Variants in STXBP5L observed in about 807,000 individuals in gnomAD.
STXBP5L encodes the protein syntaxin binding protein 5L.
In STXBP5L, 65 loss-of-function variants were observed where a neutral mutation model predicts 144.5. That is an observed-to-expected ratio of 0.45 (90% confidence interval 0.37 to 0.55). The LOEUF is 0.55. Ranked by LOEUF, STXBP5L falls within the 20% of genes least tolerant of loss-of-function variation. STXBP5L has a pLI of 0.00. For missense variants in STXBP5L, 1,298 were observed against 1,405.5 expected (o/e 0.92, Z 1.22); for synonymous variants, 505 against 469.6 (o/e 1.08, Z -0.97).
intron 3 of STXBP5L, among the ~76,000 whole-genome samples, chr3:121,038,598 T>C (rs140792727): frequency 1.0e-3 from 158 of 152,078 alleles, no homozygotes; most frequent in African/African-American, 3.5e-3. Context: ...GTTTTATAAA[T>C]GCCAATTGGG....
chr3:121,221,534 T>C (rs1322032692), intron 10 of STXBP5L, among the ~76,000 whole-genome samples: 1 of 151,544 alleles, frequency 6.6e-6, no homozygotes, highest in Non-Finnish European at 1.5e-5. Context: ...GGCCTTTTTT[T>C]GCAAAACAGA....
chr3:121,342,465 T>A (rs565043018), intron 20 of STXBP5L, among the ~76,000 whole-genome samples: 2 of 151,458 alleles, frequency 1.3e-5, no homozygotes. Flanking sequence ...TCATTTAGCA[T>A]TAGGTATATC....
intron 3 of STXBP5L, among the ~76,000 whole-genome samples, chr3:120,974,023 G>C (rs1166306966): frequency 6.6e-6 from 1 of 152,090 alleles, no homozygotes; most frequent in Non-Finnish European, 1.5e-5. Context: ...TGTCTTTATA[G>C]CAGCATGATT....
intron 3 of STXBP5L, among the ~76,000 whole-genome samples, chr3:120,978,587 AG>A (rs1941367099): frequency 6.6e-6 from 1 of 152,184 alleles, no homozygotes; most frequent in African/African-American, 2.4e-5. Context: ...GTTGCTGGTG[AG>A]GAACTGCATT....
intron 2 of STXBP5L, among the ~76,000 whole-genome samples, chr3:120,937,728 C>T (rs1344860172): frequency 6.6e-6 from 1 of 151,954 alleles, no homozygotes; most frequent in Non-Finnish European, 1.5e-5. Flanking sequence ...ATTTCAGTAT[C>T]TTAAAAAACA....
At chr3:121,253,350 C>G (rs1484558946) in intron 15 of STXBP5L, among the ~76,000 whole-genome samples, 1 of 151,266 alleles carries the variant, frequency 6.6e-6, no homozygotes, top group Non-Finnish European at 1.5e-5. Context: ...TACTCTTTAT[C>G]TCTTCCTTCC....
chr3:120,996,600 TA>T (rs1943367611), intron 3 of STXBP5L, among the ~76,000 whole-genome samples: 1 of 152,134 alleles, frequency 6.6e-6, no homozygotes, highest in Non-Finnish European at 1.5e-5. Context: ...ACACTTTAAC[TA>T]ATATCTCCCC....
At chr3:121,052,824 C>T (rs1948126268) in intron 5 of STXBP5L, among the ~76,000 whole-genome samples, 3 of 152,146 alleles carry the variant, frequency 2.0e-5, no homozygotes, top group African/African-American at 7.2e-5. Flanking sequence ...TTGCAGATGA[C>T]ATGATTGTGT....
intron 9 of STXBP5L, among the ~76,000 whole-genome samples, chr3:121,169,823 ACTC>A (rs1370958665): frequency 6.6e-5 from 10 of 152,204 alleles, no homozygotes; most frequent in Non-Finnish European, 1.3e-4. Flanking sequence ...CAGGACTTGA[ACTC>A]AGCTCTGGAC....
intron 3 of STXBP5L, among the ~76,000 whole-genome samples, chr3:121,006,587 G>T (rs1161970035): frequency 6.6e-6 from 1 of 152,122 alleles, no homozygotes; most frequent in Non-Finnish European, 1.5e-5. Flanking sequence ...ATTTGATCCT[G>T]TCATTATGAT....
intron 5 of STXBP5L, among the ~76,000 whole-genome samples, chr3:121,046,911 T>C (rs891672086): frequency 6.6e-6 from 1 of 152,090 alleles, no homozygotes; most frequent in African/African-American, 2.4e-5. Flanking sequence ...GGGTTTGTTT[T>C]GTATTGTTTC....
chr3:121,389,263 A>G (rs2046511934), intron 22 of STXBP5L, among the ~76,000 whole-genome samples: 1 of 152,136 alleles, frequency 6.6e-6, no homozygotes, highest in Non-Finnish European at 1.5e-5. Context: ...TATTGCGTCT[A>G]CTTGATTCTT....
chr3:121,254,902 G>C lies in STXBP5L; in HGVS notation c.1449G>C (p.Leu483=). Residue 483 remains leucine (L), a synonymous_variant, in exon 16 of 27, where the codon CTG becomes CTC. Transcript: ENST00000471454. ...TGCTTCGATGTCTTATAGTAACTCT[G>C]CAGATGCTGTACAAGCTAAAAACTT... ...IKFWDASAIT[L]QMLYKLKTSK... is the part of the protein sequence containing the mutation. 1 of 1,610,238 alleles carries C rather than the reference G, an allele frequency of 6.2e-7. No homozygotes were observed. Among genetic ancestry groups the C allele is most frequent in the South Asian group, 1.1e-5 (1 of 90,386 alleles).
intron 20 of STXBP5L, among the ~76,000 whole-genome samples, chr3:121,348,540 T>C (rs2045111337): frequency 6.6e-6 from 1 of 152,148 alleles, no homozygotes; most frequent in South Asian, 2.1e-4. Context: ...TGGTAACAGC[T>C]CCTCCTTGTA....
At chr3:121,179,375 A>C (rs374831531) in intron 9 of STXBP5L, among the ~76,000 whole-genome samples, 37 of 152,136 alleles carry the variant, frequency 2.4e-4, no homozygotes, top group African/African-American at 8.9e-4. Context: ...AATAAACATA[A>C]AAGTATGATC....
chr3:121,052,450 T>A (rs1403891627), intron 5 of STXBP5L, among the ~76,000 whole-genome samples: 4 of 152,050 alleles, frequency 2.6e-5, no homozygotes, highest in African/African-American at 9.7e-5. Flanking sequence ...TATACGCAAA[T>A]CAATAAATGT....
At chr3:121,102,697 A>C (rs2043493428) in intron 5 of STXBP5L, among the ~76,000 whole-genome samples, 1 of 152,142 alleles carries the variant, frequency 6.6e-6, no homozygotes, top group East Asian at 1.9e-4. Context: ...AAAAATTGAC[A>C]AGTGGGACCT....
intron 18 of STXBP5L, among the ~76,000 whole-genome samples, chr3:121,268,724 A>C (rs1388504189): frequency 6.6e-6 from 1 of 152,088 alleles, no homozygotes; most frequent in African/African-American, 2.4e-5. Flanking sequence ...CTAAACAATG[A>C]ATTTTCTATT....
intron 3 of STXBP5L, among the ~76,000 whole-genome samples, chr3:121,035,105 G>A (rs532923353): frequency 6.6e-6 from 1 of 152,064 alleles, no homozygotes; most frequent in African/African-American, 2.4e-5. Flanking sequence ...GTTCTTTGTA[G>A]ATTTTGGATG....
Sources: allele counts gnomAD v4.1 joint callset (sites outside exome capture counted in the v4.1 genomes callset), GRCh38; gene constraint gnomAD v4.1.1; transcripts MANE v1.5; gene names NCBI Gene and HGNC (gene_info 2026-07-23, HGNC 2026-07-21).